IGF1R: variants seen among roughly 807,000 people sequenced by gnomAD.
The protein encoded by IGF1R is insulin-like growth factor 1 receptor.
Under a neutral mutation model 144.6 loss-of-function variants are expected in IGF1R, and 44 were observed. That is an observed-to-expected ratio of 0.30 (90% confidence interval 0.24 to 0.39). The LOEUF is 0.39. Among genes scored for constraint, IGF1R ranks in the 10% least tolerant of loss-of-function variants. The pLI is 1.00. For missense variants in IGF1R, 1,355 were observed against 1,833.7 expected, an observed-to-expected ratio of 0.74 and a Z score of 4.77; for synonymous variants, 795 against 722.8, an observed-to-expected ratio of 1.10 and a Z score of -1.60.
chr15:98,757,458 C>T (rs186697030), intron 2 of IGF1R, among the ~76,000 whole-genome samples: 49 of 152,248 alleles, frequency 3.2e-4, no homozygotes, highest in South Asian at 2.1e-3. Flanking sequence ...GCCACCACAC[C>T]GGGCCCCTTT....
At chr15:98,792,986 T>G (rs1456555717) in intron 2 of IGF1R, among the ~76,000 whole-genome samples, 1 of 152,206 alleles carries the variant, frequency 6.6e-6, no homozygotes, top group Non-Finnish European at 1.5e-5. Flanking sequence ...TTGGGTTGTT[T>G]TTTTTCTTCC....
At chr15:98,786,277 T>C (rs2055993161) in intron 2 of IGF1R, among the ~76,000 whole-genome samples, 6 of 152,212 alleles carry the variant, frequency 3.9e-5, no homozygotes, top group Admixed American at 3.3e-4. Flanking sequence ...TGAGGGTACA[T>C]ACAGTGTGGT....
At chr15:98,853,793 G>C (rs1330308951) in intron 2 of IGF1R, among the ~76,000 whole-genome samples, 3 of 152,168 alleles carry the variant, frequency 2.0e-5, no homozygotes, top group African/African-American at 7.2e-5. Context: ...TTCAGTGATG[G>C]GGCACTTGGG....
chr15:98,865,829 G>A (rs2012409497), intron 2 of IGF1R, among the ~76,000 whole-genome samples: 1 of 152,138 alleles, frequency 6.6e-6, no homozygotes, highest in South Asian at 2.1e-4. Context: ...TATGTTGGAA[G>A]GAAATCATTT....
At chr15:98,852,393 T>C (rs2011568463) in intron 2 of IGF1R, among the ~76,000 whole-genome samples, 9 of 152,240 alleles carry the variant, frequency 5.9e-5, no homozygotes, top group Admixed American at 4.6e-4. Context: ...TACTTTCCAC[T>C]CCGAATAACA....
intron 2 of IGF1R, among the ~76,000 whole-genome samples, chr15:98,852,993 G>A (rs184271371): frequency 3.3e-5 from 5 of 152,150 alleles, no homozygotes; most frequent in Admixed American, 1.3e-4. Flanking sequence ...TACAAATGCC[G>A]CCCTTCCTCT....
intron 2 of IGF1R, among the ~76,000 whole-genome samples, chr15:98,731,665 C>T (rs567765455): frequency 1.5e-3 from 223 of 152,300 alleles, no homozygotes; most frequent in Non-Finnish European, 2.9e-3. Flanking sequence ...GAGGACAGTG[C>T]ACCCTTTGGG....
At chr15:98,916,261 G>GAT (rs775049019) in intron 9 of IGF1R, 130 bp downstream of exon 9, 1 of 485,740 alleles carries the variant, frequency 2.1e-6, no homozygotes, top group African/African-American at 2.3e-5. Flanking sequence ...CTATCTTCTG[G>GAT]TTTTTTTTTT....
intron 2 of IGF1R, among the ~76,000 whole-genome samples, chr15:98,826,750 C>T (rs977497815): frequency 5.3e-5 from 8 of 152,186 alleles, no homozygotes; most frequent in African/African-American, 1.9e-4. Context: ...TGTAACATTA[C>T]CTACTTTAGC....
intron 1 of IGF1R, among the ~76,000 whole-genome samples, chr15:98,661,468 CAT>C (rs1168904663): frequency 6.6e-6 from 1 of 152,166 alleles, no homozygotes; most frequent in Non-Finnish European, 1.5e-5. Context: ...AAAATGTAAA[CAT>C]AATCATTTGA....
At chr15:98,809,374 T>C (rs754163840) in intron 2 of IGF1R, among the ~76,000 whole-genome samples, 1 of 152,172 alleles carries the variant, frequency 6.6e-6, no homozygotes, top group Non-Finnish European at 1.5e-5. Flanking sequence ...GGCTTCCTTC[T>C]GCGAAGGTGA....
intron 2 of IGF1R, among the ~76,000 whole-genome samples, chr15:98,886,802 G>A (rs1036463812): frequency 5.3e-5 from 8 of 152,074 alleles, no homozygotes; most frequent in Non-Finnish European, 7.4e-5. Flanking sequence ...AATTTACAGC[G>A]GGCTCTGGGG....
intron 5 of IGF1R, among the ~76,000 whole-genome samples, chr15:98,902,590 G>C (rs1021371011): frequency 2.0e-5 from 3 of 150,074 alleles, no homozygotes; most frequent in African/African-American, 7.4e-5. Flanking sequence ...GCTTATTTTT[G>C]CTTTTAGTAG....
chr15:98,815,086 TAAG>T (rs1194347667), intron 2 of IGF1R, among the ~76,000 whole-genome samples: 1 of 152,244 alleles, frequency 6.6e-6, no homozygotes, highest in Admixed American at 6.5e-5. Flanking sequence ...CTGATACTGT[TAAG>T]AAGATACATG....
At chr15:98,650,776 C>T (rs989552973) in intron 1 of IGF1R, 2 of 494,876 alleles carry the variant, frequency 4.0e-6, no homozygotes, top group South Asian at 8.6e-5. Flanking sequence ...TCGTGTCGCC[C>T]TCTCTTCTGC....
chr15:98,828,774 G>GT (rs200266374), intron 2 of IGF1R, among the ~76,000 whole-genome samples: 3,558 of 123,894 alleles, frequency 0.029, 84 homozygotes, highest in South Asian at 0.082. Flanking sequence ...GCTGAGCATG[G>GT]TTTTTTTTTT....
chr15:98,742,642 C>A (rs1456255218), intron 2 of IGF1R, among the ~76,000 whole-genome samples: 1 of 152,224 alleles, frequency 6.6e-6, no homozygotes, highest in Non-Finnish European at 1.5e-5. Flanking sequence ...CTGAAGTTCA[C>A]ATTTTAAATT....
At chr15:98,926,648 CTGTT>C (rs1236602306) in intron 13 of IGF1R, among the ~76,000 whole-genome samples, 1 of 152,152 alleles carries the variant, frequency 6.6e-6, no homozygotes, top group Non-Finnish European at 1.5e-5. Flanking sequence ...ATATTCTAAT[CTGTT>C]TGTGATATCT....
intron 2 of IGF1R, among the ~76,000 whole-genome samples, chr15:98,788,058 C>CTG (rs1462764560): frequency 0.04 from 5,160 of 127,870 alleles, 138 homozygotes; most frequent in East Asian, 0.11. Context: ...CTCTCTCTCT[C>CTG]TCTCTGTGTG....
Sources: allele counts gnomAD v4.1 joint callset (sites outside exome capture counted in the v4.1 genomes callset), GRCh38; gene constraint gnomAD v4.1.1; transcripts MANE v1.5; gene names NCBI Gene and HGNC (gene_info 2026-07-23, HGNC 2026-07-21).